The following TRMO variants were observed in gnomAD, a reference collection of about 807,000 sequenced individuals.
TRMO encodes the protein tRNA methyltransferase O, also known as tRNA (adenine(37)-N6)-methyltransferase.
TRMO carries 30 observed loss-of-function variants against 37.2 expected under a neutral mutation model. That is an observed-to-expected ratio of 0.81 (90% CI 0.60 to 1.09). The LOEUF is 1.09. TRMO is among the 50% of genes least tolerant of loss of function. The pLI is 0.00. For missense variants in TRMO, 552 were observed against 549.5 expected, an observed-to-expected ratio of 1.00 and a Z score of -0.05; for synonymous variants, 239 against 199.4, an observed-to-expected ratio of 1.20 and a Z score of -1.67.
chr9:97,899,605 G>A (rs144376836), downstream of TRMO, among the ~76,000 whole-genome samples: 4 of 152,128 alleles, frequency 2.6e-5, no homozygotes, highest in Non-Finnish European at 4.4e-5. Flanking sequence ...AAAAAGACAG[G>A]CCAGGCACGG....
intron 3 of TRMO, chr9:97,913,185 A>G: frequency 2.0e-6 from 1 of 492,310 alleles, no homozygotes; most frequent in Non-Finnish European, 3.7e-6. Flanking sequence ...GATATATGCA[A>G]TAATATAAAC....
intron 3 of TRMO, chr9:97,911,763 T>C (rs1026127344): frequency 6.6e-6 from 1 of 152,144 alleles, no homozygotes; most frequent in Admixed American, 6.5e-5. Context: ...ACTGGACAGA[T>C]GCTGTCCAGT....
At position 97,909,994 on chromosome 9, in the gene TRMO, A is replaced by G; in HGVS notation, c.1032T>C (p.His344=). 3 of 1,569,316 alleles carry G rather than the reference A, an allele frequency of 1.9e-6. No homozygotes were observed. Among genetic ancestry groups the G allele is most frequent in the South Asian group, 1.2e-5 (1 of 84,786 alleles). ...TGAGCTGCCCAAGGTCCATCTCGGC[A>G]TGAGGAGTAAACCGCACTTCTAAAG... ...VATLEVRFTP[H]AEMDLGQLSS... The change falls in exon 4 of 5, where the codon CAT becomes CAC. Residue 344 remains histidine, a synonymous_variant. Coordinates refer to ENST00000375119, the MANE Select transcript of TRMO (RefSeq NM_016481.5).
At chr9:97,912,892 G>C in intron 3 of TRMO, 2 of 1,300,038 alleles carry the variant, frequency 1.5e-6, no homozygotes, top group Non-Finnish European at 2.0e-6. Context: ...GTTTGTCCTT[G>C]TAGTGTGATT....
chr9:97,908,798 A>T (rs996653111), intron 4 of TRMO, among the ~76,000 whole-genome samples: 15 of 152,198 alleles, frequency 9.9e-5, no homozygotes, highest in Non-Finnish European at 2.1e-4. Context: ...TTGTTCACTG[A>T]TGTATTCCAA....
the TRMO span, among the ~76,000 whole-genome samples, chr9:97,898,157 C>T: frequency 2.4e-4 from 37 of 152,284 alleles, no homozygotes; most frequent in African/African-American, 7.7e-4. Context: ...TTTTGCACTG[C>T]GGGCATTGAA....
intron 1 of TRMO, among the ~76,000 whole-genome samples, chr9:97,919,585 C>G (rs935619554): frequency 3.3e-5 from 5 of 152,184 alleles, no homozygotes; most frequent in Admixed American, 1.3e-4. Context: ...GACTATCACA[C>G]CATGCTTCAA....
chr9:97,916,289 G>A lies in TRMO; in HGVS notation c.126C>T (p.Ala42=). Residue 42 remains alanine (A), a synonymous_variant, in exon 2 of 5, where the codon GCC becomes GCT. Transcript: ENST00000375119. The part of the protein sequence containing the change: ...PVGYLESCFS[A]KNGTPRQPSI... ...ATGGCTGTCTTGGAGTACCATTCTT[G>A]GCCGAGAAACAAGATTCCAAGTAGC... 2 of 1,613,388 alleles carry A rather than the reference G, an allele frequency of 1.2e-6. No individual in the cohort carries two copies. The highest frequency in any genetic ancestry group is 1.7e-6 in the Non-Finnish European group (2 of 1,179,654).
In TRMO at chr9:97,916,347, G is replaced by T. The variant is rs757020932; in HGVS notation, c.77-9C>A. 7.6e-6 allele frequency: 12 copies of T among 1,588,844 alleles called. No homozygotes were observed. The East Asian group carries it at 2.5e-4, about 33-fold the overall frequency. On this transcript the variant is annotated splice_polypyrimidine_tract_variant and intron_variant, in intron 1 of 4. Coordinates refer to ENST00000375119, the MANE Select transcript of TRMO (RefSeq NM_016481.5). Reference sequence around the variant, plus strand: ...CTCAGTTAAAAGATTCCCTACAGGAGAAAATTAGGTAAAAAGTTATTAGTC... The same window carrying T: ...CTCAGTTAAAAGATTCCCTACAGGATAAAATTAGGTAAAAAGTTATTAGTC...
chr9:97,921,046 C>G (rs950577603), intron 1 of TRMO, among the ~76,000 whole-genome samples: 6 of 152,202 alleles, frequency 3.9e-5, no homozygotes, highest in Admixed American at 6.5e-5. Context: ...TCCTTCCTGT[C>G]AAAATATGAG....
At chr9:97,900,780 G>A (rs1380128272), downstream of TRMO, 1 of 971,234 alleles carries the variant, frequency 1.0e-6, no homozygotes, top group Non-Finnish European at 1.2e-6. Flanking sequence ...CTCTGGGACT[G>A]TAGCATTTTA....
rs76204376 is a variant in TRMO at position 97,911,275 on chromosome 9, C to T, written c.410-659G>A. The T allele has an allele frequency of 1.1e-4, 18 of 166,018 alleles. No individual in the cohort carries two copies. The South Asian group carries it at 1.7e-3, about 16-fold the overall frequency. The allele number at this position is 166,018 out of a possible 1,614,324, so 10.3% of individuals were successfully genotyped here. On this transcript the variant is annotated intron_variant, in intron 3 of 4. Coordinates refer to ENST00000375119, the MANE Select transcript of TRMO (RefSeq NM_016481.5). Reference sequence around the variant, plus strand: ...ACTGCTGCTGGCTGGAAGACTCACTCGAGAGACTCTCCTTGAAGGCTTGCT... The same window carrying T: ...ACTGCTGCTGGCTGGAAGACTCACTTGAGAGACTCTCCTTGAAGGCTTGCT...
At chr9:97,899,718 T>A (rs961853566), downstream of TRMO, among the ~76,000 whole-genome samples, 1 of 151,982 alleles carries the variant, frequency 6.6e-6, no homozygotes, top group South Asian at 2.1e-4. Context: ...AAACCCTGTC[T>A]CTACAAAAAA....
chr9:97,922,354 A>C, intron 1 of TRMO, 64 bp downstream of exon 1: 1 of 1,169,908 alleles, frequency 8.5e-7, no homozygotes, highest in African/African-American at 1.5e-5. Flanking sequence ...CCCTCTCGGC[A>C]ACGAAGTCCG....
intron 3 of TRMO, chr9:97,913,175 G>A (rs1826203129): frequency 7.9e-6 from 4 of 509,524 alleles, no homozygotes; most frequent in Non-Finnish European, 1.4e-5. Flanking sequence ...AATAGTTTTG[G>A]ATATATGCAA....
chr9:97,914,493 T>C (rs1256061770), intron 2 of TRMO, among the ~76,000 whole-genome samples: 1 of 152,116 alleles, frequency 6.6e-6, no homozygotes, highest in Non-Finnish European at 1.5e-5. Context: ...TCCCCAAAAT[T>C]CTAAATATGC....
chr9:97,921,307 A>G (rs1826618037), intron 1 of TRMO, among the ~76,000 whole-genome samples: 1 of 152,230 alleles, frequency 6.6e-6, no homozygotes. Context: ...TGTAATCCCA[A>G]AACTTTGGGA....
chr9:97,904,491 A>G lies in TRMO; in HGVS notation c.*242T>C, dbSNP rs1410484941. On this transcript the variant is annotated 3_prime_UTR_variant, in exon 5 of 5. Transcript: ENST00000375119. ...TTTCAGAAATTATCGAGACAGCATC[A>G]CCTTTTGATTCTTTAATATCAACAG... 2.3e-6 allele frequency: 3 copies of G among 1,302,922 alleles called. No individual in the cohort carries two copies. The East Asian group carries it at 9.1e-5, about 40-fold the overall frequency. 80.7% of individuals were successfully genotyped at this position (1,302,922 alleles called of 1,614,324 possible). A position where few individuals can be genotyped will look rare whatever the true frequency, so the allele number is the denominator to read the frequency against.
chr9:97,898,683 C>G, the TRMO span, among the ~76,000 whole-genome samples: 1 of 151,890 alleles, frequency 6.6e-6, no homozygotes, highest in African/African-American at 2.4e-5. Context: ...CTGCCGTGCC[C>G]CACCAGGAAA....
Sources: allele counts gnomAD v4.1 joint callset (sites outside exome capture counted in the v4.1 genomes callset), GRCh38; gene constraint gnomAD v4.1.1; transcripts MANE v1.5; gene names NCBI Gene and HGNC (gene_info 2026-07-23, HGNC 2026-07-21).